Variants in AGBL1 observed in about 807,000 individuals in gnomAD.
The protein encoded by AGBL1 is AGBL carboxypeptidase 1, also known as cytosolic carboxypeptidase 4.
Under a neutral mutation model 118.9 loss-of-function variants are expected in AGBL1, and 130 were observed. That is an observed-to-expected ratio of 1.09 (90% CI 0.95 to 1.26). The LOEUF (loss-of-function observed/expected upper bound fraction) is 1.26, where lower values mean the gene tolerates loss of function less well. Among genes scored for constraint, AGBL1 ranks in the 50% most tolerant of loss-of-function variants. The probability of loss-of-function intolerance (pLI) is 0.00; values close to 1 mark genes in which losing one functional copy is unlikely to be tolerated. For missense variants in AGBL1, 1,584 were observed against 1,298.1 expected, an observed-to-expected ratio of 1.22 and a Z score of -3.38; for synonymous variants, 555 against 478.9, an observed-to-expected ratio of 1.16 and a Z score of -2.08.
At chr15:86,811,789 C>G (rs1244311257) in intron 22 of AGBL1, among the ~76,000 whole-genome samples, 1 of 152,130 alleles carries the variant, frequency 6.6e-6, no homozygotes, top group African/African-American at 2.4e-5. Flanking sequence ...TCTTCTTAAA[C>G]TGACACAGTA....
At chr15:86,554,848 T>C (rs2083710746) in intron 21 of AGBL1, among the ~76,000 whole-genome samples, 1 of 151,832 alleles carries the variant, frequency 6.6e-6, no homozygotes, top group African/African-American at 2.4e-5. Context: ...CTGGCTCTGT[T>C]GTTATATGCA....
chr15:87,020,803 A>T (rs2081656878), intron 24 of AGBL1, among the ~76,000 whole-genome samples: 2 of 152,132 alleles, frequency 1.3e-5, no homozygotes, highest in South Asian at 4.1e-4. Context: ...GATGTGCAGG[A>T]CTTCTTTAAG....
intron 22 of AGBL1, among the ~76,000 whole-genome samples, chr15:86,705,681 T>C (rs2086437380): frequency 6.6e-6 from 1 of 152,198 alleles, no homozygotes; most frequent in South Asian, 2.1e-4. Context: ...ATTTATACTC[T>C]TAATGTACCA....
At chr15:86,873,380 T>C (rs1188057405) in intron 22 of AGBL1, among the ~76,000 whole-genome samples, 1 of 152,174 alleles carries the variant, frequency 6.6e-6, no homozygotes, top group Non-Finnish European at 1.5e-5. Flanking sequence ...AGAATAAAAA[T>C]TTTAAGAATC....
intron 5 of AGBL1, among the ~76,000 whole-genome samples, chr15:86,170,928 G>C (rs75405058): frequency 0.019 from 2,798 of 150,442 alleles, 90 homozygotes; most frequent in African/African-American, 0.063. Flanking sequence ...AAGGAAAAAA[G>C]ATGCATTATG....
At chr15:86,462,940 T>C (rs1477030810) in intron 18 of AGBL1, among the ~76,000 whole-genome samples, 1 of 152,210 alleles carries the variant, frequency 6.6e-6, no homozygotes, top group Non-Finnish European at 1.5e-5. Flanking sequence ...TGATTTATAA[T>C]CCTTTGGGTA....
chr15:86,196,869 G>GCA (rs2077815161), intron 5 of AGBL1, among the ~76,000 whole-genome samples: 3 of 44,612 alleles, frequency 6.7e-5, no homozygotes, highest in South Asian at 9.3e-4. Context: ...GTGCACATGT[G>GCA]CGCGCGCGCG....
At chr15:86,748,005 T>A (rs369227906) in intron 22 of AGBL1, among the ~76,000 whole-genome samples, 11 of 152,100 alleles carry the variant, frequency 7.2e-5, no homozygotes, top group African/African-American at 2.7e-4. Context: ...GTAATGGGAT[T>A]GCTGGGTCAA....
At chr15:86,329,245 C>T (rs2080234558) in intron 17 of AGBL1, among the ~76,000 whole-genome samples, 1 of 151,934 alleles carries the variant, frequency 6.6e-6, no homozygotes, top group African/African-American at 2.4e-5. Flanking sequence ...GAAATCCAGG[C>T]ATTCAGGGCA....
chr15:86,139,459 G>T (rs1397606827), intron 1 of AGBL1, among the ~76,000 whole-genome samples: 2 of 152,158 alleles, frequency 1.3e-5, no homozygotes, highest in South Asian at 2.1e-4. Flanking sequence ...CATTTTAGTG[G>T]ATTTCTGTTT....
chr15:86,204,978 G>A (rs1397871319), intron 5 of AGBL1, among the ~76,000 whole-genome samples: 1 of 152,084 alleles, frequency 6.6e-6, no homozygotes, highest in African/African-American at 2.4e-5. Context: ...TACATTCTCT[G>A]GGTTTGGAGA....
intron 1 of AGBL1, chr15:86,138,133 A>G (rs1202399905): frequency 6.6e-6 from 1 of 152,166 alleles, no homozygotes; most frequent in Non-Finnish European, 1.5e-5. Context: ...CCCACAAATA[A>G]TGTGCAATTC....
At chr15:86,193,056 A>G (rs563746302) in intron 5 of AGBL1, among the ~76,000 whole-genome samples, 3 of 152,334 alleles carry the variant, frequency 2.0e-5, no homozygotes, top group South Asian at 4.1e-4. Flanking sequence ...AAAAATAAAT[A>G]TAACTGCAGA....
In AGBL1 at chr15:86,150,606, A is replaced by G. The variant is rs1301503916; in HGVS notation, c.263-3824A>G. On this transcript the variant is annotated intron_variant, in intron 3 of 22. Coordinates refer to ENST00000614907, the MANE Select transcript of AGBL1 (RefSeq NM_001386094.1). Reference sequence around the variant, plus strand: ...TTGAATCTCTGAATAGACCAATAACAGGCTCTGAAATTGAAGCAATAAATA... The same window carrying G: ...TTGAATCTCTGAATAGACCAATAACGGGCTCTGAAATTGAAGCAATAAATA... 2.8e-4 allele frequency among the ~76,000 whole-genome samples: 42 copies of G among 152,220 alleles called. 1 individual carries two copies. Among genetic ancestry groups the G allele is most frequent in the Non-Finnish European group, 1.6e-4 (11 of 68,036 alleles).
chr15:86,656,551 T>G (rs561055016), intron 21 of AGBL1, among the ~76,000 whole-genome samples: 1 of 152,342 alleles, frequency 6.6e-6, no homozygotes, highest in Non-Finnish European at 1.5e-5. Flanking sequence ...AGCCAGACTT[T>G]GGTAGTGCAC....
At chr15:86,926,828 A>G (rs2080546118) in intron 23 of AGBL1, among the ~76,000 whole-genome samples, 1 of 152,138 alleles carries the variant, frequency 6.6e-6, no homozygotes, top group Admixed American at 6.5e-5. Flanking sequence ...TTTTAGAACT[A>G]TTGCATTGAC....
intron 23 of AGBL1, among the ~76,000 whole-genome samples, chr15:86,945,183 G>T (rs1424396420): frequency 1.4e-5 from 2 of 141,548 alleles, no homozygotes; most frequent in East Asian, 4.3e-4. Flanking sequence ...GTTCGAGGTT[G>T]CAGTGAGTTA....
At chr15:86,512,280 T>C (rs1846948947) in intron 18 of AGBL1, among the ~76,000 whole-genome samples, 1 of 151,968 alleles carries the variant, frequency 6.6e-6, no homozygotes, top group Admixed American at 6.6e-5. Context: ...TATCTGGGTT[T>C]TTTCTAATAT....
intron 21 of AGBL1, among the ~76,000 whole-genome samples, chr15:86,577,613 T>C (rs1596283607): frequency 1.3e-5 from 2 of 152,188 alleles, no homozygotes; most frequent in African/African-American, 2.4e-5. Context: ...TCTCCTGTCA[T>C]TGGCCTGGAG....
Sources: gnomAD v4.1 joint callset for allele counts (sites outside exome capture counted in the v4.1 genomes callset) on GRCh38, gnomAD v4.1.1 for gene constraint, MANE v1.5 for transcripts, NCBI Gene and HGNC (gene_info 2026-07-23, HGNC 2026-07-21) for gene names.